TCF7L1: variants seen among roughly 807,000 people sequenced by gnomAD.
TCF7L1 encodes the protein transcription factor 7-like 1.
A neutral mutation model predicts 63.7 loss-of-function variants in TCF7L1; 18 were observed. That is an observed-to-expected ratio of 0.28 (90% CI 0.20 to 0.42). TCF7L1 has a LOEUF of 0.42. TCF7L1 is among the 10% of genes least tolerant of loss of function. TCF7L1 has a pLI of 1.00. For synonymous variants in TCF7L1, 355 were observed against 340.9 expected, an observed-to-expected ratio of 1.04 and a Z score of -0.46; for missense variants, 654 against 779.3, an observed-to-expected ratio of 0.84 and a Z score of 1.91.
chr2:85,154,440 A>AG lies in TCF7L1; in HGVS notation c.441+19990_441+19991insG, dbSNP rs576307623. Among the ~76,000 whole-genome samples the AG allele has an allele frequency of 2.7e-3, 410 of 152,286 alleles. 3 individuals are homozygous for AG. The highest frequency in any genetic ancestry group is 4.3e-3 in the Non-Finnish European group (290 of 68,012). ...TTTCTGCAGGACTTCTCAGGCCTTT[A>AG]ACATGCCAGTGAATCTCACAGAAGG... On this transcript the variant is annotated intron_variant, in intron 3 of 11. Transcript: ENST00000282111.
intron 4 of TCF7L1, among the ~76,000 whole-genome samples, chr2:85,299,111 A>G (rs2104384534): frequency 6.7e-6 from 1 of 149,916 alleles, no homozygotes; most frequent in East Asian, 2.0e-4. Flanking sequence ...TTTTGCACCA[A>G]CCTAATACTT....
chr2:85,250,404 A>G lies in TCF7L1; in HGVS notation c.442-33091A>G, dbSNP rs545275170. Among the ~76,000 whole-genome samples, 5 of 152,162 alleles carry G rather than the reference A, an allele frequency of 3.3e-5. No homozygotes were observed. The South Asian group carries it at 8.3e-4, about 25-fold the overall frequency. ...GCCTTTTAAAAAAGCACTCGGTAAT[A>G]TATTAAATATTAAACATAGACTAGC... On this transcript the variant is annotated intron_variant, in intron 3 of 11. Coordinates refer to ENST00000282111, the MANE Select transcript of TCF7L1 (RefSeq NM_031283.3).
Position 85,240,732 on chromosome 2 carries a change from C to T in TCF7L1, c.442-42763C>T, listed in dbSNP as rs148811518. On this transcript the variant is annotated intron_variant, in intron 3 of 11. Transcript: ENST00000282111. ...CAGAGGTTGCAGTGAGCCAAGATCA[C>T]ACCAGTGCACTCCAGCCTGGGCAAC... Among the ~76,000 whole-genome samples, 1,246 of 149,410 alleles carry T rather than the reference C, an allele frequency of 8.3e-3. 19 individuals are homozygous for T. Among genetic ancestry groups the T allele is most frequent in the African/African-American group, 0.029 (1,166 of 40,342 alleles).
chr2:85,148,051 A>C (rs541457778), intron 3 of TCF7L1, among the ~76,000 whole-genome samples: 24 of 152,320 alleles, frequency 1.6e-4, no homozygotes, highest in Middle Eastern at 3.4e-3. Flanking sequence ...ATTAGAGTGC[A>C]TGAGCTGAAA....
chr2:85,143,478 A>G (rs1169340998), intron 3 of TCF7L1, among the ~76,000 whole-genome samples: 1 of 152,226 alleles, frequency 6.6e-6, no homozygotes, highest in African/African-American at 2.4e-5. Flanking sequence ...TTTGGAAAGC[A>G]CTTGGCAATG....
At chr2:85,291,887 G>T (rs538761946) in intron 4 of TCF7L1, among the ~76,000 whole-genome samples, 12 of 151,396 alleles carry the variant, frequency 7.9e-5, no homozygotes, top group Non-Finnish European at 1.5e-4. Flanking sequence ...ATTATTTGTT[G>T]TAGAGATGGG....
intron 3 of TCF7L1, among the ~76,000 whole-genome samples, chr2:85,237,182 T>C (rs1299363103): frequency 1.3e-5 from 2 of 152,206 alleles, no homozygotes; most frequent in Non-Finnish European, 2.9e-5. Flanking sequence ...GTTATAGTTC[T>C]AAGGTATTTG....
chr2:85,203,673 G>A lies in TCF7L1; in HGVS notation c.441+69223G>A, dbSNP rs565678737. Among the ~76,000 whole-genome samples the A allele has an allele frequency of 4.0e-5, 6 of 151,678 alleles. No individual in the cohort carries two copies. The East Asian group carries it at 9.7e-4, about 25-fold the overall frequency. ...GAGCCCAGGAGGTCGAGGCTGCAGT[G>A]AGCCATGTTCACACCACTGCACTCC... On this transcript the variant is annotated intron_variant, in intron 3 of 11. Transcript: ENST00000282111.
chr2:85,146,624 C>T (rs1024648835), intron 3 of TCF7L1, among the ~76,000 whole-genome samples: 5 of 151,690 alleles, frequency 3.3e-5, no homozygotes, highest in African/African-American at 1.2e-4. Flanking sequence ...GCCTCAGCCT[C>T]CTGAGTAGCT....
intron 3 of TCF7L1, among the ~76,000 whole-genome samples, chr2:85,191,640 C>A (rs771259937): frequency 2.0e-5 from 3 of 152,060 alleles, no homozygotes; most frequent in Non-Finnish European, 4.4e-5. Context: ...GCCTGATCAA[C>A]GTGGTGAAAC....
intron 7 of TCF7L1, among the ~76,000 whole-genome samples, chr2:85,304,778 G>A (rs1171194649): frequency 3.3e-5 from 5 of 152,128 alleles, no homozygotes; most frequent in African/African-American, 9.7e-5. Flanking sequence ...TTGCACCATC[G>A]TAAAGTCAAA....
In TCF7L1 at chr2:85,134,024, G is replaced by C; in HGVS notation, c.258G>C (p.Arg86Ser). 1 of 1,609,654 alleles carries C rather than the reference G, an allele frequency of 6.2e-7. No homozygotes were observed. Residue 86 changes from arginine to serine, a missense_variant, in exon 2 of 12, where the codon AGG becomes AGC. Physicochemically the swap from Arg to Ser is moderately radical, Grantham distance 110. Coordinates refer to ENST00000282111, the MANE Select transcript of TCF7L1 (RefSeq NM_031283.3). The surrounding 1 kb of genome is among the most constrained non-coding windows in gnomAD (Gnocchi z 5.0). ...QSSSSDSEAERRPQPVRDTFQ... is the reference protein window; with the variant it reads ...QSSSSDSEAESRPQPVRDTFQ... ...TTGTGTCTCCTCCGCAGGCGGAGAG[G>C]CGCCCGCAGCCCGTCCGGGACACTT...
At chr2:85,288,653 G>A (rs556677993) in intron 4 of TCF7L1, among the ~76,000 whole-genome samples, 11 of 152,344 alleles carry the variant, frequency 7.2e-5, no homozygotes, top group African/African-American at 2.6e-4. Context: ...GTATGTCTAA[G>A]CAAGTCACAA....
At chr2:85,139,243 G>T in intron 3 of TCF7L1, among the ~76,000 whole-genome samples, 1 of 152,232 alleles carries the variant, frequency 6.6e-6, no homozygotes, top group Non-Finnish European at 1.5e-5. Context: ...TCCTGACCTC[G>T]TGATCCACCT....
intron 3 of TCF7L1, among the ~76,000 whole-genome samples, chr2:85,155,249 T>G (rs1306216854): frequency 1.3e-5 from 2 of 151,982 alleles, no homozygotes; most frequent in Admixed American, 1.3e-4. Flanking sequence ...CTCTGTAAAA[T>G]GGACCAATCA....
chr2:85,188,987 G>A (rs1398745771), intron 3 of TCF7L1, among the ~76,000 whole-genome samples: 1 of 152,098 alleles, frequency 6.6e-6, no homozygotes, highest in Non-Finnish European at 1.5e-5. Flanking sequence ...CTTTTTGGGG[G>A]GGTGTTTCTA....
intron 3 of TCF7L1, among the ~76,000 whole-genome samples, chr2:85,282,650 T>C (rs924155434): frequency 2.6e-5 from 4 of 152,180 alleles, no homozygotes; most frequent in African/African-American, 4.8e-5. Flanking sequence ...ACAGCCTATG[T>C]TGGCAGAGTA....
At chr2:85,227,038 A>T (rs1174870167) in intron 3 of TCF7L1, among the ~76,000 whole-genome samples, 2 of 152,070 alleles carry the variant, frequency 1.3e-5, no homozygotes, top group African/African-American at 4.8e-5. Context: ...AGGCTTTAAG[A>T]TCAGATGTGC....
At chr2:85,253,939 G>A (rs186484284) in intron 3 of TCF7L1, among the ~76,000 whole-genome samples, 166 of 152,352 alleles carry the variant, frequency 1.1e-3, no homozygotes, top group Non-Finnish European at 1.8e-3. Context: ...GTGTGACCTT[G>A]CAGTGGGGCA....
Sources: allele counts gnomAD v4.1 joint callset (sites outside exome capture counted in the v4.1 genomes callset), GRCh38; gene constraint gnomAD v4.1.1; non-coding constraint Gnocchi (gnomAD v3.1); transcripts MANE v1.5; gene names NCBI Gene and HGNC (gene_info 2026-07-23, HGNC 2026-07-21).